ADAMTSL1: variants seen among roughly 807,000 people sequenced by gnomAD.
The protein encoded by ADAMTSL1 is ADAMTS-like protein 1.
In ADAMTSL1, 126 loss-of-function variants were observed where a neutral mutation model predicts 201.8. The observed-to-expected ratio is 0.62, with a 90% CI of 0.54 to 0.72. The LOEUF is 0.72. Ranked by LOEUF, ADAMTSL1 falls within the 30% of genes least tolerant of loss-of-function variation. The pLI, the probability that ADAMTSL1 is intolerant of heterozygous loss-of-function variation, is 0.00. For synonymous variants in ADAMTSL1, 1,121 were observed against 903.4 expected (o/e 1.24, Z -4.32); for missense variants, 2,679 against 2,277.8 (o/e 1.18, Z -3.59).
chr9:18,697,757 T>C (rs967840259), intron 13 of ADAMTSL1, among the ~76,000 whole-genome samples: 4 of 152,206 alleles, frequency 2.6e-5, no homozygotes, highest in Non-Finnish European at 1.5e-5. Context: ...CTCCTGATTT[T>C]TTACTTGAGC....
chr9:18,266,076 T>C (rs1443021205), intron 2 of ADAMTSL1, among the ~76,000 whole-genome samples: 1 of 152,206 alleles, frequency 6.6e-6, no homozygotes, highest in African/African-American at 2.4e-5. Flanking sequence ...TAAAGACCAC[T>C]CTGGCTTATA....
chr9:18,234,246 G>A (rs180827590), intron 2 of ADAMTSL1, among the ~76,000 whole-genome samples: 4 of 152,314 alleles, frequency 2.6e-5, no homozygotes, highest in East Asian at 1.9e-4. Flanking sequence ...GGAGCAGAAC[G>A]TGTTGGCAGA....
chr9:18,377,205 G>A (rs1338185478), intron 2 of ADAMTSL1, among the ~76,000 whole-genome samples: 1 of 152,192 alleles, frequency 6.6e-6, no homozygotes, highest in African/African-American at 2.4e-5. Context: ...TAAACTCAAG[G>A]AAGTTATTTA....
chr9:18,151,498 G>C (rs993379910), intron 1 of ADAMTSL1, among the ~76,000 whole-genome samples: 1 of 151,600 alleles, frequency 6.6e-6, no homozygotes, highest in Non-Finnish European at 1.5e-5. Context: ...TACTGTATTT[G>C]ATTATTTGAA....
At chr9:18,249,563 A>G (rs1373539891) in intron 2 of ADAMTSL1, among the ~76,000 whole-genome samples, 7 of 152,188 alleles carry the variant, frequency 4.6e-5, no homozygotes, top group Non-Finnish European at 8.8e-5. Flanking sequence ...GTAGATCAAG[A>G]CATCCAGAAA....
intron 2 of ADAMTSL1, among the ~76,000 whole-genome samples, chr9:18,178,500 A>T (rs1828285729): frequency 6.6e-6 from 1 of 152,088 alleles, no homozygotes; most frequent in South Asian, 2.1e-4. Context: ...AGCAGCCGGG[A>T]AGCTCGAACT....
intron 18 of ADAMTSL1, 127 bp downstream of exon 18, chr9:18,776,023 G>A: frequency 1.6e-6 from 2 of 1,277,742 alleles, no homozygotes; most frequent in Non-Finnish European, 2.1e-6. Flanking sequence ...ACCCCATGGA[G>A]GGCTGCAGGC....
intron 1 of ADAMTSL1, among the ~76,000 whole-genome samples, chr9:18,021,553 G>T (rs1820481341): frequency 6.6e-6 from 1 of 152,102 alleles, no homozygotes; most frequent in Non-Finnish European, 1.5e-5. Context: ...ACAAGCGATT[G>T]TGTCGTGGTT....
rs61625925 is a variant in ADAMTSL1, at chr9:18,573,585, C to T, written c.238-445C>T. ...TGAATGAAATTTTTATAACTTTTTA[C>T]TGCTAGTTATTCAAATAAACAATTG... On this transcript the variant is annotated intron_variant, in intron 3 of 28. Transcript: ENST00000380548. Among the ~76,000 whole-genome samples the T allele has an allele frequency of 6.6e-3, 1,000 of 152,274 alleles. 13 individuals are homozygous for T. The highest frequency in any genetic ancestry group is 0.023 in the African/African-American group (960 of 41,544).
chr9:18,678,847 G>A (rs142369857), intron 10 of ADAMTSL1, among the ~76,000 whole-genome samples: 1,831 of 152,202 alleles, frequency 0.012, 16 homozygotes, highest in Non-Finnish European at 0.02. Flanking sequence ...GGAGACAAAG[G>A]AGAATTGGTC....
intron 26 of ADAMTSL1, among the ~76,000 whole-genome samples, chr9:18,895,386 A>ATGAT (rs1309284935): frequency 6.6e-6 from 1 of 152,168 alleles, no homozygotes. Flanking sequence ...CATCTTTAAG[A>ATGAT]TGATAGGAAA....
intron 13 of ADAMTSL1, among the ~76,000 whole-genome samples, chr9:18,688,704 A>ATATATATATATATATC (rs138160150): frequency 0.021 from 1,516 of 72,078 alleles, 94 homozygotes; most frequent in Middle Eastern, 0.033. Flanking sequence ...ATATATATAT[A>ATATATATATATATATC]TATATGACTG....
intron 25 of ADAMTSL1, among the ~76,000 whole-genome samples, chr9:18,890,213 T>G (rs1428668980): frequency 6.6e-6 from 1 of 152,250 alleles, no homozygotes; most frequent in Admixed American, 6.5e-5. Context: ...TGGGGAAATC[T>G]TATCTTCCTC....
chr9:18,326,424 T>A (rs981764552), intron 2 of ADAMTSL1, among the ~76,000 whole-genome samples: 6 of 123,704 alleles, frequency 4.9e-5, no homozygotes, highest in Non-Finnish European at 1.1e-4. Flanking sequence ...TATATGTAAT[T>A]TTTTACCTAA....
intron 1 of ADAMTSL1, among the ~76,000 whole-genome samples, chr9:18,083,047 A>G (rs113990719): frequency 0.02 from 3,051 of 152,338 alleles, 107 homozygotes; most frequent in African/African-American, 0.07. Context: ...TGGAAAAATT[A>G]AAAGTGCATC....
intron 1 of ADAMTSL1, among the ~76,000 whole-genome samples, chr9:18,141,177 A>G (rs1826382275): frequency 6.6e-6 from 1 of 152,174 alleles, no homozygotes; most frequent in South Asian, 2.1e-4. Flanking sequence ...TCACAGGTGG[A>G]CACGGTTTAC....
Position 18,485,920 on chromosome 9 carries a change from G to A in ADAMTSL1, c.63+11625G>A, listed in dbSNP as rs150454140. 1.6e-4 allele frequency among the ~76,000 whole-genome samples: 24 copies of A among 152,332 alleles called. No individual in the cohort carries two copies. The East Asian group carries it at 4.2e-3, about 27-fold the overall frequency. On this transcript the variant is annotated intron_variant, in intron 1 of 28. Transcript: ENST00000380548. ...CTCCTGGTGAGAAGCCACGAAGGCA[G>A]TAGCACCAGCAGCAGCAGTAGTGAT...
At position 17,943,822 on chromosome 9, in the gene ADAMTSL1, A is replaced by G. The variant is rs1280461259; in HGVS notation, c.87+36900A>G. 5.3e-5 allele frequency among the ~76,000 whole-genome samples: 8 copies of G among 152,104 alleles called. No homozygotes were observed. The East Asian group carries it at 1.4e-3, about 26-fold the overall frequency. On this transcript the variant is annotated intron_variant, in intron 1 of 29. Coordinates refer to the ADAMTSL1 transcript ENST00000680146. ...TAATTGGCTTACAGTTTTGCAGGCT[A>G]TACAGAAAGCATGGTGCAGCCATCT...
intron 2 of ADAMTSL1, among the ~76,000 whole-genome samples, chr9:18,427,985 C>A (rs2133388505): frequency 6.6e-6 from 1 of 152,342 alleles, no homozygotes; most frequent in Non-Finnish European, 1.5e-5. Flanking sequence ...CAAAGCTCTG[C>A]AGTGCCGGAG....
Sources: gnomAD v4.1 joint callset for allele counts (sites outside exome capture counted in the v4.1 genomes callset) on GRCh38, gnomAD v4.1.1 for gene constraint, MANE v1.5 for transcripts, NCBI Gene and HGNC (gene_info 2026-07-23, HGNC 2026-07-21) for gene names.